Variants in DHRSX observed in about 807,000 individuals in gnomAD.
DHRSX encodes dehydrogenase/reductase X-linked.
DHRSX carries 31 observed loss-of-function variants against 34.0 expected under a neutral mutation model. That is an observed-to-expected ratio of 0.91 (90% CI 0.69 to 1.23). DHRSX has a LOEUF of 1.23. Ranked by LOEUF, DHRSX falls within the 50% of genes most tolerant of loss-of-function variation. The pLI is 0.00. For missense variants in DHRSX, 414 were observed against 428.1 expected (o/e 0.97, Z 0.29); for synonymous variants, 201 against 183.8 (o/e 1.09, Z -0.76).
chrX:2,220,726 T>G lies in DHRSX; in HGVS notation c.*315A>C. 2.9e-6 allele frequency: 1 copy of G among 350,590 alleles called. No homozygotes were observed. Among genetic ancestry groups the G allele is most frequent in the Non-Finnish European group, 5.1e-6 (1 of 194,260 alleles). 21.7% of individuals were successfully genotyped at this position (350,590 alleles called of 1,614,324 possible). A position where few individuals can be genotyped will look rare whatever the true frequency, so the allele number is the denominator to read the frequency against. The stretch of plus-strand genomic sequence containing the variant: ...AGCATCTCTCTTGGAACTTTTGTAC[T>G]CAGTTGTATTAACGCGGCAAGGAAA... On this transcript the variant is annotated 3_prime_UTR_variant, in exon 7 of 7. Coordinates refer to ENST00000334651, the MANE Select transcript of DHRSX (RefSeq NM_145177.3).
At position 2,457,731 on chromosome X, in the gene DHRSX, G is replaced by A. The variant is rs775297250; in HGVS notation, c.110-32427C>T. Among the ~76,000 whole-genome samples, 87 of 151,664 alleles carry A rather than the reference G, an allele frequency of 5.7e-4. 1 individual carries two copies. The highest frequency in any genetic ancestry group is 2.1e-3 in the African/African-American group (87 of 41,370). On this transcript the variant is annotated intron_variant, in intron 1 of 6. Transcript: ENST00000334651. ...ACTGAAGACGTTCCCTAAGAATGTG[G>A]CCAAGGGACTGCCACCATGTACACA... is the stretch of plus-strand genomic sequence containing the variant.
chrX:2,396,625 G>A (rs2043414651), intron 3 of DHRSX, among the ~76,000 whole-genome samples: 4 of 151,912 alleles, frequency 2.6e-5, no homozygotes, highest in Non-Finnish European at 4.4e-5. Context: ...CAATCCACCC[G>A]CCTTGGCCTC....
intron 3 of DHRSX, among the ~76,000 whole-genome samples, chrX:2,352,270 G>A (rs1345387542): frequency 6.6e-6 from 1 of 152,068 alleles, no homozygotes; most frequent in Non-Finnish European, 1.5e-5. Context: ...GTGGCTTTGT[G>A]GGTATTTTGC....
At chrX:2,229,561 C>CAT (rs1416158228) in intron 6 of DHRSX, among the ~76,000 whole-genome samples, 1 of 152,046 alleles carries the variant, frequency 6.6e-6, no homozygotes, top group Non-Finnish European at 1.5e-5. Context: ...ATAATGTGTG[C>CAT]ATGTGTGTGT....
At chrX:2,477,076 C>A (rs2044691357) in intron 1 of DHRSX, among the ~76,000 whole-genome samples, 1 of 152,114 alleles carries the variant, frequency 6.6e-6, no homozygotes, top group Non-Finnish European at 1.5e-5. Flanking sequence ...TTTTGTAAGT[C>A]TTTTAAAATA....
Position 2,479,919 on chromosome X carries a change from A to G in DHRSX, c.109+20898T>C, listed in dbSNP as rs191654334. 9.9e-3 allele frequency among the ~76,000 whole-genome samples: 1,513 copies of G among 152,324 alleles called. 20 individuals carry two copies. Among genetic ancestry groups the G allele is most frequent in the African/African-American group, 0.034 (1,421 of 41,574 alleles). ...AGCATGTGGCCAAGGGACGGACGCCATGGACACTGGGAAGACGTTCACTAA... is the reference window on the plus strand; with the variant it reads ...AGCATGTGGCCAAGGGACGGACGCCGTGGACACTGGGAAGACGTTCACTAA... On this transcript the variant is annotated intron_variant, in intron 1 of 6. Transcript: ENST00000334651.
At chrX:2,468,447 T>C (rs1435107080) in intron 1 of DHRSX, among the ~76,000 whole-genome samples, 7 of 152,174 alleles carry the variant, frequency 4.6e-5, no homozygotes, top group African/African-American at 1.7e-4. Context: ...AGACACCCAA[T>C]GAAGAAACAA....
At chrX:2,325,347 A>T (rs1464052849) in intron 3 of DHRSX, among the ~76,000 whole-genome samples, 2 of 152,092 alleles carry the variant, frequency 1.3e-5, no homozygotes, top group East Asian at 1.9e-4. Flanking sequence ...GGAACTAGGG[A>T]CTAGACACGT....
intron 2 of DHRSX, among the ~76,000 whole-genome samples, chrX:2,415,882 C>T (rs1188587776): frequency 6.6e-6 from 1 of 151,462 alleles, no homozygotes; most frequent in Non-Finnish European, 1.5e-5. Flanking sequence ...CCTAATACAA[C>T]TAGATCTCCT....
intron 6 of DHRSX, among the ~76,000 whole-genome samples, chrX:2,242,437 G>C (rs1166876249): frequency 6.6e-6 from 1 of 152,132 alleles, no homozygotes; most frequent in Non-Finnish European, 1.5e-5. Flanking sequence ...TGTCAGAGCT[G>C]TGTGAACCAG....
intron 4 of DHRSX, among the ~76,000 whole-genome samples, chrX:2,282,738 G>A (rs1231015988): frequency 7.1e-6 from 1 of 141,038 alleles, no homozygotes; most frequent in Non-Finnish European, 1.5e-5. Context: ...GAGGGAGAGG[G>A]AGAATGGGAG....
At chrX:2,311,568 G>C (rs2042165826) in intron 3 of DHRSX, among the ~76,000 whole-genome samples, 1 of 152,142 alleles carries the variant, frequency 6.6e-6, no homozygotes, top group African/African-American at 2.4e-5. Context: ...ACCCACCCGC[G>C]AGGCAAAGAG....
intron 3 of DHRSX, among the ~76,000 whole-genome samples, chrX:2,306,857 G>C (rs776244185): frequency 6.6e-6 from 1 of 151,428 alleles, no homozygotes; most frequent in Non-Finnish European, 1.5e-5. Flanking sequence ...AATCGTTTCA[G>C]TCAGATTGGA....
chrX:2,360,456 G>A (rs866485143), intron 3 of DHRSX, among the ~76,000 whole-genome samples: 2 of 152,020 alleles, frequency 1.3e-5, no homozygotes, highest in Admixed American at 6.6e-5. Flanking sequence ...GGTGGTGCGT[G>A]CCTGTAATCC....
chrX:2,387,325 T>C (rs921175890), intron 3 of DHRSX, among the ~76,000 whole-genome samples: 16 of 152,150 alleles, frequency 1.1e-4, no homozygotes, highest in African/African-American at 2.4e-5. Flanking sequence ...GTCAGGGTTC[T>C]CTAGAGGGAC....
chrX:2,409,278 C>CT (rs1007797140), intron 2 of DHRSX, among the ~76,000 whole-genome samples: 3 of 151,984 alleles, frequency 2.0e-5, no homozygotes, highest in African/African-American at 7.3e-5. Context: ...CTTTCTGTTT[C>CT]TTTTTTTTAA....
chrX:2,366,509 C>T (rs1204380032), intron 3 of DHRSX, among the ~76,000 whole-genome samples: 1 of 151,620 alleles, frequency 6.6e-6, no homozygotes, highest in Non-Finnish European at 1.5e-5. Context: ...ATTTTTATAC[C>T]CTCTAATATT....
chrX:2,434,189 C>G (rs1027716555), intron 1 of DHRSX, among the ~76,000 whole-genome samples: 8 of 152,174 alleles, frequency 5.3e-5, no homozygotes, highest in Non-Finnish European at 1.0e-4. Flanking sequence ...AAAGTTCAGT[C>G]TCGCTGACAA....
chrX:2,333,335 G>A (rs1290897738), intron 3 of DHRSX, among the ~76,000 whole-genome samples: 2 of 152,120 alleles, frequency 1.3e-5, no homozygotes, highest in African/African-American at 4.8e-5. Flanking sequence ...AGGAGTCCAT[G>A]TGCAGGTTTG....
Sources: gnomAD v4.1 joint callset for allele counts (sites outside exome capture counted in the v4.1 genomes callset) on GRCh38, gnomAD v4.1.1 for gene constraint, MANE v1.5 for transcripts, NCBI Gene and HGNC (gene_info 2026-07-23, HGNC 2026-07-21) for gene names.